Variants in MACROD2 observed in about 807,000 individuals in gnomAD.
MACROD2 encodes the protein ADP-ribose glycohydrolase MACROD2.
A neutral mutation model predicts 70.4 loss-of-function variants in MACROD2; 36 were observed. The ratio of observed to expected loss-of-function variants is 0.51; its 90% CI spans 0.39 to 0.68. MACROD2 has a LOEUF of 0.68. Ranked by LOEUF, MACROD2 falls within the 30% of genes least tolerant of loss-of-function variation. MACROD2 has a pLI of 0.00. For synonymous variants in MACROD2, 172 were observed against 178.8 expected (o/e 0.96, Z 0.30); for missense variants, 496 against 538.4 (o/e 0.92, Z 0.78).
chr20:15,728,012 A>G (rs2050889581), intron 8 of MACROD2, among the ~76,000 whole-genome samples: 1 of 152,062 alleles, frequency 6.6e-6, no homozygotes, highest in Non-Finnish European at 1.5e-5. Context: ...GCTTTTGCCT[A>G]TTTGATATGA....
chr20:15,783,842 T>C (rs2051876201), intron 8 of MACROD2, among the ~76,000 whole-genome samples: 1 of 152,060 alleles, frequency 6.6e-6, no homozygotes, highest in Admixed American at 6.5e-5. Flanking sequence ...AAGTTTACAC[T>C]GATATTAGTA....
chr20:15,583,646 GT>G (rs898873292), intron 8 of MACROD2, among the ~76,000 whole-genome samples: 3 of 149,382 alleles, frequency 2.0e-5, no homozygotes, highest in East Asian at 1.9e-4. Context: ...TTTTGTTTTT[GT>G]TTTTTTTTCT....
chr20:15,392,566 A>G (rs887024928), intron 6 of MACROD2, among the ~76,000 whole-genome samples: 1 of 152,148 alleles, frequency 6.6e-6, no homozygotes, highest in Non-Finnish European at 1.5e-5. Context: ...ATAATGCTCC[A>G]TCATGCCTCT....
chr20:14,971,987 C>T (rs1429679452), intron 5 of MACROD2, among the ~76,000 whole-genome samples: 2 of 152,166 alleles, frequency 1.3e-5, no homozygotes, highest in Non-Finnish European at 2.9e-5. Context: ...GTTTTACGGG[C>T]TGCTTTTTGT....
At chr20:15,208,432 A>T (rs541713111) in intron 5 of MACROD2, among the ~76,000 whole-genome samples, 2 of 152,190 alleles carry the variant, frequency 1.3e-5, no homozygotes, top group Non-Finnish European at 2.9e-5. Context: ...TTGATTGCCT[A>T]TTCTAATTCA....
chr20:14,255,851 A>G (rs1051614843), intron 3 of MACROD2, among the ~76,000 whole-genome samples: 3 of 151,836 alleles, frequency 2.0e-5, no homozygotes, highest in Non-Finnish European at 4.4e-5. Flanking sequence ...CACCTCTTTA[A>G]AACATTTTTT....
At chr20:15,937,729 TTA>T (rs10532606) in intron 12 of MACROD2, among the ~76,000 whole-genome samples, 185 bp downstream of exon 12, 125,619 of 147,242 alleles carry the variant, frequency 0.85, 54,085 homozygotes, top group Non-Finnish European at 0.94. Context: ...TATAGAAAAT[TTA>T]TATATATATA....
At chr20:16,045,873 C>T (rs529283339) in intron 17 of MACROD2, among the ~76,000 whole-genome samples, 1 of 152,170 alleles carries the variant, frequency 6.6e-6, no homozygotes, top group East Asian at 1.9e-4. Flanking sequence ...CTTTACACTG[C>T]TACCTGAGTG....
chr20:14,486,851 A>C (rs1353993446), intron 3 of MACROD2, among the ~76,000 whole-genome samples: 1 of 152,208 alleles, frequency 6.6e-6, no homozygotes, highest in African/African-American at 2.4e-5. Context: ...TAATCAAAAT[A>C]ACCCAGAAGA....
Position 14,168,708 on chromosome 20 carries a change from C to T in MACROD2, c.271+82980C>T, listed in dbSNP as rs557773914. On this transcript the variant is annotated intron_variant, in intron 3 of 17. Transcript: ENST00000684519. ...TTCACTGCCCTAAAAAACTCCTTTG[C>T]TTCACCTACTTATCTTTCCCCCTTG... Among the ~76,000 whole-genome samples, 3 of 152,260 alleles carry T rather than the reference C, an allele frequency of 2.0e-5. No individual in the cohort carries two copies. In the East Asian group the frequency reaches 5.8e-4, roughly 29 times the overall value.
chr20:15,019,861 G>C (rs2075150914), intron 5 of MACROD2, among the ~76,000 whole-genome samples: 1 of 152,032 alleles, frequency 6.6e-6, no homozygotes, highest in African/African-American at 2.4e-5. Context: ...TAGAAAGAGA[G>C]AAAGCAAATT....
intron 2 of MACROD2, among the ~76,000 whole-genome samples, chr20:14,024,198 T>C (rs1239477970): frequency 6.6e-6 from 1 of 150,930 alleles, no homozygotes; most frequent in Non-Finnish European, 1.5e-5. Flanking sequence ...TTGGCTATTA[T>C]TGGTGTATAG....
chr20:14,972,154 G>T (rs965400654), intron 5 of MACROD2, among the ~76,000 whole-genome samples: 15 of 152,326 alleles, frequency 9.8e-5, no homozygotes, highest in African/African-American at 3.4e-4. Flanking sequence ...AGCAGAAAAT[G>T]CCAGGCCATT....
intron 5 of MACROD2, among the ~76,000 whole-genome samples, chr20:14,715,206 A>T (rs2071383950): frequency 6.6e-6 from 1 of 152,144 alleles, no homozygotes; most frequent in Non-Finnish European, 1.5e-5. Flanking sequence ...GAAGCCTCTT[A>T]TAAAACCATC....
intron 8 of MACROD2, among the ~76,000 whole-genome samples, chr20:15,648,330 A>G (rs557903060): frequency 1.1e-3 from 164 of 152,320 alleles, no homozygotes; most frequent in African/African-American, 3.9e-3. Flanking sequence ...CCTTCTTGCT[A>G]TCACTTGAAT....
chr20:14,481,723 C>T (rs2084665637), intron 3 of MACROD2, among the ~76,000 whole-genome samples: 2 of 152,150 alleles, frequency 1.3e-5, no homozygotes, highest in African/African-American at 4.8e-5. Flanking sequence ...AGGACTCAAG[C>T]ATTGGATTGA....
intron 4 of MACROD2, among the ~76,000 whole-genome samples, chr20:14,625,357 G>A (rs1398761442): frequency 2.6e-5 from 4 of 151,734 alleles, no homozygotes; most frequent in African/African-American, 9.7e-5. Context: ...AGAAAGATTA[G>A]GAATGAGGGG....
intron 5 of MACROD2, among the ~76,000 whole-genome samples, chr20:14,743,021 C>T (rs1215842284): frequency 1.3e-5 from 2 of 152,090 alleles, no homozygotes; most frequent in African/African-American, 4.8e-5. Flanking sequence ...CCGCCTCGGC[C>T]TCCCAAATTG....
At chr20:15,169,408 A>G (rs991812981) in intron 5 of MACROD2, among the ~76,000 whole-genome samples, 1 of 152,132 alleles carries the variant, frequency 6.6e-6, no homozygotes, top group Non-Finnish European at 1.5e-5. Flanking sequence ...TTCAGTTTTT[A>G]TAGTCTTTTT....
Sources: allele counts gnomAD v4.1 joint callset (sites outside exome capture counted in the v4.1 genomes callset), GRCh38; gene constraint gnomAD v4.1.1; transcripts MANE v1.5; gene names NCBI Gene and HGNC (gene_info 2026-07-23, HGNC 2026-07-21).